Variants in PRKCQ observed in about 807,000 individuals in gnomAD.
PRKCQ encodes protein kinase C theta.
In PRKCQ, 41 loss-of-function variants were observed where a neutral mutation model predicts 91.2. That is an observed-to-expected ratio of 0.45 (90% CI 0.35 to 0.58). The LOEUF is 0.58. Among genes scored for constraint, PRKCQ ranks in the 20% least tolerant of loss-of-function variants. The pLI is 0.00. For synonymous variants in PRKCQ, 307 were observed against 316.9 expected (o/e 0.97, Z 0.33); for missense variants, 673 against 896.5 (o/e 0.75, Z 3.18).
At chr10:6,423,935 T>A (rs765109346), downstream of PRKCQ, among the ~76,000 whole-genome samples, 1 of 151,988 alleles carries the variant, frequency 6.6e-6, no homozygotes. Context: ...CTCACCCACA[T>A]CCTATTCACC....
At chr10:6,401,868 A>G in the PRKCQ span, among the ~76,000 whole-genome samples, 29 of 152,304 alleles carry the variant, frequency 1.9e-4, no homozygotes, top group Non-Finnish European at 3.8e-4. Flanking sequence ...GGGAAGGCTG[A>G]AGCCTGGAAT....
At chr10:6,579,223 TGGACA>T in intron 1 of PRKCQ, among the ~76,000 whole-genome samples, 1 of 152,292 alleles carries the variant, frequency 6.6e-6, no homozygotes, top group South Asian at 2.1e-4. Context: ...GTCAAGGACT[TGGACA>T]CCAGGCACAG....
chr10:6,474,724 T>G (rs895226072), intron 12 of PRKCQ, among the ~76,000 whole-genome samples: 12 of 152,250 alleles, frequency 7.9e-5, no homozygotes, highest in Admixed American at 7.2e-4. Flanking sequence ...TTTCTAATTG[T>G]TTTAAATCTA....
rs1834504507 is a variant in PRKCQ at position 6,449,132 on chromosome 10, T to A, written c.1648-7051A>T. 2.0e-5 allele frequency among the ~76,000 whole-genome samples: 3 copies of A among 152,040 alleles called. No homozygotes were observed. In the South Asian group the frequency reaches 6.3e-4, roughly 32 times the overall value. On this transcript the variant is annotated intron_variant, in intron 15 of 17. Transcript: ENST00000263125. ...AGAAGGCTTCAGATGATCAAACTAC[T>A]CCGAGCTACAGGAGGAAATTCAAAC...
chr10:6,579,529 G>C (rs929763016), intron 1 of PRKCQ, among the ~76,000 whole-genome samples: 1 of 152,112 alleles, frequency 6.6e-6, no homozygotes, highest in East Asian at 1.9e-4. Flanking sequence ...GATAACGGTG[G>C]CTCTCGAAAA....
At chr10:6,579,938 G>C (rs1214567765) in intron 1 of PRKCQ, among the ~76,000 whole-genome samples, 1 of 151,694 alleles carries the variant, frequency 6.6e-6, no homozygotes, top group African/African-American at 2.4e-5. Context: ...GGAGAAGAAA[G>C]GAGGAAGCGC....
At chr10:6,494,914 C>A (rs574649172) in intron 7 of PRKCQ, among the ~76,000 whole-genome samples, 5 of 152,210 alleles carry the variant, frequency 3.3e-5, no homozygotes, top group Non-Finnish European at 5.9e-5. Flanking sequence ...CATGTCCAAA[C>A]TGGAAAAATT....
chr10:6,456,636 C>A (rs375834557), intron 15 of PRKCQ, 38 bp downstream of exon 15: 60 of 1,610,198 alleles, frequency 3.7e-5, no homozygotes, highest in Non-Finnish European at 5.0e-5. Context: ...GTGGCCAGGG[C>A]ATGGTGAGGT....
At chr10:6,417,491 C>T in the PRKCQ span, among the ~76,000 whole-genome samples, 1 of 28,258 alleles carries the variant, frequency 3.5e-5, no homozygotes, top group African/African-American at 1.1e-4. Context: ...AGTTCAATTT[C>T]GGTCAAACCC....
At position 6,575,920 on chromosome 10, in the gene PRKCQ, G is replaced by A. The variant is rs533909531; in HGVS notation, c.-10+4291C>T. Among the ~76,000 whole-genome samples, 33 of 152,176 alleles carry A rather than the reference G, an allele frequency of 2.2e-4. No individual in the cohort carries two copies. In the South Asian group the frequency reaches 5.8e-3, roughly 27 times the overall value. ...CTGGGTGTGGCAGCGCGTGCCTATA[G>A]TCCCAGCTACTCAGGAGGCTGAGGC... On this transcript the variant is annotated intron_variant, in intron 1 of 17. Coordinates refer to ENST00000263125, the MANE Select transcript of PRKCQ (RefSeq NM_006257.5).
chr10:6,526,484 TG>T, intron 1 of PRKCQ, among the ~76,000 whole-genome samples: 1 of 150,578 alleles, frequency 6.6e-6, no homozygotes, highest in Non-Finnish European at 1.5e-5. Flanking sequence ...TGGGGAGTGC[TG>T]GGTGGGGCGG....
intron 1 of PRKCQ, among the ~76,000 whole-genome samples, chr10:6,559,823 TTGTGTG>T (rs34001966): frequency 7.9e-5 from 12 of 151,842 alleles, no homozygotes; most frequent in African/African-American, 2.9e-4. Flanking sequence ...TCTTTGAGTT[TTGTGTG>T]TGTGTGTTTG....
chr10:6,484,811 G>A (rs191041781), intron 10 of PRKCQ, among the ~76,000 whole-genome samples: 1 of 152,314 alleles, frequency 6.6e-6, no homozygotes, highest in African/African-American at 2.4e-5. Flanking sequence ...AAGGTGCAGA[G>A]TAAGAATGTC....
chr10:6,498,588 A>C, intron 4 of PRKCQ, 30 bp from the exon 5 acceptor site: 1 of 1,606,974 alleles, frequency 6.2e-7, no homozygotes. Flanking sequence ...AAGAAAGTGA[A>C]GTTCTGCAAA....
intron 4 of PRKCQ, among the ~76,000 whole-genome samples, chr10:6,501,915 G>T (rs916372594): frequency 6.6e-5 from 10 of 152,196 alleles, no homozygotes; most frequent in African/African-American, 1.9e-4. Flanking sequence ...CCCAGAATCA[G>T]AGGAGATTGA....
At chr10:6,436,296 T>G (rs1833690954) in intron 16 of PRKCQ, among the ~76,000 whole-genome samples, 1 of 152,162 alleles carries the variant, frequency 6.6e-6, no homozygotes, top group Non-Finnish European at 1.5e-5. Flanking sequence ...TAGCCTTAGA[T>G]TTAGTTTTGT....
the PRKCQ span, among the ~76,000 whole-genome samples, chr10:6,397,152 A>G: frequency 6.6e-6 from 1 of 152,000 alleles, no homozygotes; most frequent in Non-Finnish European, 1.5e-5. Flanking sequence ...GCTGGAGTGC[A>G]GTGGCATGAT....
chr10:6,433,208 G>A (rs1252544717), intron 16 of PRKCQ, among the ~76,000 whole-genome samples: 7 of 152,194 alleles, frequency 4.6e-5, no homozygotes, highest in African/African-American at 1.7e-4. Flanking sequence ...TGAGGAAGCC[G>A]AGCTTCAGAG....
chr10:6,401,516 T>A, the PRKCQ span, among the ~76,000 whole-genome samples: 1 of 152,126 alleles, frequency 6.6e-6, no homozygotes, highest in African/African-American at 2.4e-5. Flanking sequence ...GGCTGGTTTT[T>A]TTTTTTTAAA....
Sources: gnomAD v4.1 joint callset for allele counts (sites outside exome capture counted in the v4.1 genomes callset) on GRCh38, gnomAD v4.1.1 for gene constraint, MANE v1.5 for transcripts, NCBI Gene and HGNC (gene_info 2026-07-23, HGNC 2026-07-21) for gene names.